Variants in FBRSL1 observed in about 807,000 individuals in gnomAD.
FBRSL1 encodes fibrosin like 1.
In FBRSL1, 51 loss-of-function variants were observed where a neutral mutation model predicts 89.6. The observed-to-expected ratio is 0.57, with a 90% CI of 0.45 to 0.72. The LOEUF is 0.72. FBRSL1 is among the 30% of genes least tolerant of loss of function. The pLI, the probability that FBRSL1 is intolerant of heterozygous loss-of-function variation, is 0.00. For missense variants in FBRSL1, 1,618 were observed against 1,451.8 expected (o/e 1.11, Z -1.86); for synonymous variants, 779 against 681.1 (o/e 1.14, Z -2.24).
chr12:132,570,769 G>A (rs893243129), intron 8 of FBRSL1, among the ~76,000 whole-genome samples: 14 of 152,214 alleles, frequency 9.2e-5, no homozygotes, highest in South Asian at 2.1e-4. Flanking sequence ...ACGTACAGAC[G>A]CGTGTTCACA....
chr12:132,532,774 G>T (rs960122623), intron 4 of FBRSL1, among the ~76,000 whole-genome samples: 1 of 152,210 alleles, frequency 6.6e-6, no homozygotes, highest in Non-Finnish European at 1.5e-5. Context: ...GAACAGAGGG[G>T]CCGGTGAGAG....
At chr12:132,576,976 C>A in intron 15 of FBRSL1, 45 bp downstream of exon 15, 1 of 1,528,836 alleles carries the variant, frequency 6.5e-7, no homozygotes. Flanking sequence ...AAACCTCCCG[C>A]TCGTGCCCAG....
rs563903063 is a variant in FBRSL1, at chr12:132,490,974, C to T, written c.291+113C>T. The T allele has an allele frequency of 7.8e-4, 677 of 865,546 alleles. 2 individuals are homozygous for T. In the African/African-American group the frequency reaches 0.011, roughly 13 times the overall value. 53.6% of individuals were successfully genotyped at this position (865,546 alleles called of 1,614,324 possible). On this transcript the variant is annotated intron_variant, in intron 1 of 18. Coordinates refer to ENST00000680143, the MANE Select transcript of FBRSL1 (RefSeq NM_001367871.1). ...TGCGACCGCCCGCGCCGTGGGCAGCCCTGAGGGAAGCCCCGGCCACTTGGT... is the reference window on the plus strand; with the variant it reads ...TGCGACCGCCCGCGCCGTGGGCAGCTCTGAGGGAAGCCCCGGCCACTTGGT...
intron 1 of FBRSL1, among the ~76,000 whole-genome samples, chr12:132,494,484 G>A (rs1157702792): frequency 1.1e-4 from 17 of 152,222 alleles, no homozygotes; most frequent in Admixed American, 1.1e-3. Flanking sequence ...TAGCCCAGTG[G>A]GCTGCACCGC....
chr12:132,538,229 G>T (rs531790287), intron 4 of FBRSL1, among the ~76,000 whole-genome samples: 8 of 152,206 alleles, frequency 5.3e-5, no homozygotes, highest in Non-Finnish European at 8.8e-5. Context: ...TCTAACCAGG[G>T]CTCCAGCCCC....
intron 2 of FBRSL1, chr12:132,510,481 C>T (rs2034209843): frequency 1.6e-6 from 2 of 1,231,908 alleles, no homozygotes; most frequent in Non-Finnish European, 2.0e-6. Context: ...GGTTTTCCAG[C>T]CCACTCCAGT....
At chr12:132,572,220 G>T (rs1489153317) in intron 9 of FBRSL1, 68 bp from the exon 10 acceptor site, 8 of 1,449,694 alleles carry the variant, frequency 5.5e-6, no homozygotes, top group Non-Finnish European at 6.6e-6. Context: ...CGGCCAGGTG[G>T]GCGGGGCCCG....
intron 1 of FBRSL1, among the ~76,000 whole-genome samples, chr12:132,500,155 G>A (rs1347692274): frequency 6.6e-6 from 1 of 152,172 alleles, no homozygotes; most frequent in Non-Finnish European, 1.5e-5. Context: ...GGGGCTGGGA[G>A]CCGCACGCCG....
At chr12:132,534,605 G>T (rs1328690281) in intron 4 of FBRSL1, among the ~76,000 whole-genome samples, 2 of 152,242 alleles carry the variant, frequency 1.3e-5, no homozygotes, top group Non-Finnish European at 1.5e-5. Context: ...CCTGTTTTGT[G>T]GGTCAGAATT....
intron 2 of FBRSL1, among the ~76,000 whole-genome samples, chr12:132,520,331 C>T (rs1018919721): frequency 2.0e-4 from 30 of 152,158 alleles, no homozygotes; most frequent in African/African-American, 7.2e-5. Flanking sequence ...CTGTCTGGGA[C>T]GCTCCCCAGG....
intron 2 of FBRSL1, chr12:132,510,651 C>A: frequency 8.1e-7 from 1 of 1,229,784 alleles, no homozygotes; most frequent in Non-Finnish European, 1.0e-6. Flanking sequence ...TACAGTGCCA[C>A]GATCAGGCTG....
intron 1 of FBRSL1, among the ~76,000 whole-genome samples, chr12:132,505,015 G>A (rs1267553698): frequency 6.6e-6 from 1 of 152,172 alleles, no homozygotes; most frequent in East Asian, 1.9e-4. Flanking sequence ...AATCCCAGCT[G>A]CTCAGGAGGC....
chr12:132,512,252 C>T (rs188032422), intron 2 of FBRSL1, among the ~76,000 whole-genome samples: 92 of 152,380 alleles, frequency 6.0e-4, no homozygotes, highest in African/African-American at 1.1e-3. Flanking sequence ...CACCCATCCC[C>T]GGGATCAGTG....
intron 1 of FBRSL1, among the ~76,000 whole-genome samples, chr12:132,497,537 C>T (rs1306262988): frequency 6.6e-6 from 1 of 152,230 alleles, no homozygotes; most frequent in Non-Finnish European, 1.5e-5. Flanking sequence ...CTCCATACTC[C>T]CCTACCCAGA....
At chr12:132,548,587 G>A (rs888925651) in intron 5 of FBRSL1, among the ~76,000 whole-genome samples, 2 of 152,200 alleles carry the variant, frequency 1.3e-5, no homozygotes, top group South Asian at 2.1e-4. Flanking sequence ...CCTCAGCCTC[G>A]GAGCAGCCTC....
At chr12:132,542,213 C>T (rs1041907958) in intron 4 of FBRSL1, among the ~76,000 whole-genome samples, 1 of 152,250 alleles carries the variant, frequency 6.6e-6, no homozygotes, top group African/African-American at 2.4e-5. Flanking sequence ...ACGGCAGATG[C>T]TCCTCGTATC....
At chr12:132,562,078 T>C (rs76914360) in intron 5 of FBRSL1, among the ~76,000 whole-genome samples, 16,613 of 152,216 alleles carry the variant, frequency 0.11, 1,964 homozygotes, top group African/African-American at 0.3. Context: ...CTATTCCTCC[T>C]GTTTCTCTCG....
At chr12:132,564,640 C>G (rs530860580) in intron 5 of FBRSL1, among the ~76,000 whole-genome samples, 1 of 123,754 alleles carries the variant, frequency 8.1e-6, no homozygotes, top group South Asian at 2.9e-4. Context: ...GGACTACAGG[C>G]GCCCGCCACC....
At chr12:132,564,549 C>A (rs150171660) in intron 5 of FBRSL1, among the ~76,000 whole-genome samples, 1 of 118,720 alleles carries the variant, frequency 8.4e-6, no homozygotes, top group Non-Finnish European at 1.7e-5. Flanking sequence ...AGGCTGGAGT[C>A]CAGTGGTACG....
Sources: gnomAD v4.1 joint callset for allele counts (sites outside exome capture counted in the v4.1 genomes callset) on GRCh38, gnomAD v4.1.1 for gene constraint, MANE v1.5 for transcripts, NCBI Gene and HGNC (gene_info 2026-07-23, HGNC 2026-07-21) for gene names.